Variants in TMEM117 observed in about 807,000 individuals in gnomAD.
TMEM117 encodes the protein transmembrane protein 117.
Under a neutral mutation model 52.4 loss-of-function variants are expected in TMEM117, and 27 were observed. That is an observed-to-expected ratio of 0.51 (90% confidence interval 0.38 to 0.71). TMEM117 has a LOEUF of 0.71. Ranked by LOEUF, TMEM117 falls within the 30% of genes least tolerant of loss-of-function variation. The pLI is 0.00. For synonymous variants in TMEM117, 215 were observed against 206.3 expected (o/e 1.04, Z -0.36); for missense variants, 556 against 630.5 (o/e 0.88, Z 1.26).
At chr12:44,009,290 G>T in intron 3 of TMEM117, 1 of 271,784 alleles carries the variant, frequency 3.7e-6, no homozygotes, top group Non-Finnish European at 7.1e-6. Flanking sequence ...GATACAGGAT[G>T]ATCATTTCCA....
chr12:43,894,525 G>C (rs1358084663), intron 2 of TMEM117, among the ~76,000 whole-genome samples: 7 of 151,852 alleles, frequency 4.6e-5, no homozygotes. Context: ...GAACGTACTA[G>C]TTATAGTTCC....
At chr12:43,875,293 A>G (rs1293246756) in intron 2 of TMEM117, among the ~76,000 whole-genome samples, 2 of 151,594 alleles carry the variant, frequency 1.3e-5, no homozygotes, top group Admixed American at 6.6e-5. Flanking sequence ...GATAAGTAGA[A>G]AGGGTTGTGC....
intron 3 of TMEM117, among the ~76,000 whole-genome samples, chr12:43,954,044 C>G (rs530013255): frequency 6.6e-6 from 1 of 152,158 alleles, no homozygotes; most frequent in Non-Finnish European, 1.5e-5. Flanking sequence ...CAACCTGTTC[C>G]TGAATGACTT....
chr12:44,294,718 A>G (rs1950746260), intron 5 of TMEM117, among the ~76,000 whole-genome samples: 1 of 152,218 alleles, frequency 6.6e-6, no homozygotes, highest in African/African-American at 2.4e-5. Flanking sequence ...CACACAGTCA[A>G]TCTGATAACA....
chr12:44,138,502 C>T (rs1222309923), intron 3 of TMEM117, among the ~76,000 whole-genome samples: 2 of 152,102 alleles, frequency 1.3e-5, no homozygotes. Context: ...TGGATGTATT[C>T]ACAGTGAGGG....
intron 6 of TMEM117, among the ~76,000 whole-genome samples, chr12:44,353,170 G>A (rs1041098830): frequency 3.3e-5 from 5 of 151,968 alleles, no homozygotes; most frequent in African/African-American, 4.8e-5. Flanking sequence ...AAATTTGTTT[G>A]AGTTCATTGT....
At chr12:44,056,454 ATC>A (rs901561001) in intron 3 of TMEM117, among the ~76,000 whole-genome samples, 5 of 152,164 alleles carry the variant, frequency 3.3e-5, no homozygotes, top group African/African-American at 1.2e-4. Flanking sequence ...TTTTATTTTA[ATC>A]TCTTTTCTAG....
intron 5 of TMEM117, among the ~76,000 whole-genome samples, chr12:44,253,558 C>T (rs1447745979): frequency 1.3e-5 from 2 of 152,122 alleles, no homozygotes; most frequent in East Asian, 3.9e-4. Flanking sequence ...CCTTTTCCCA[C>T]AGCCAAATCT....
At chr12:44,376,431 C>T (rs1951941949) in intron 6 of TMEM117, 164 bp from the exon 7 acceptor site, 1 of 806,086 alleles carries the variant, frequency 1.2e-6, no homozygotes, top group Non-Finnish European at 2.1e-6. Flanking sequence ...ATACTGCTAC[C>T]TAATGTACAT....
At chr12:44,224,538 C>T (rs1267801313) in intron 5 of TMEM117, among the ~76,000 whole-genome samples, 1 of 151,618 alleles carries the variant, frequency 6.6e-6, no homozygotes, top group Non-Finnish European at 1.5e-5. Context: ...TCTCCTCCTT[C>T]TCTTCCTCCT....
chr12:44,143,852 G>A lies in TMEM117; in HGVS notation c.510+228G>A, dbSNP rs150639002. 1.4e-3 allele frequency among the ~76,000 whole-genome samples: 218 copies of A among 152,148 alleles called. 1 individual carries two copies. Among genetic ancestry groups the A allele is most frequent in the African/African-American group, 4.3e-3 (180 of 41,486 alleles). ...TAATGGCACTCCACCAGAATCTGTC[G>A]ATCGATCTATCTATCTATCATCTAC... On this transcript the variant is annotated intron_variant, in intron 4 of 7. Coordinates refer to ENST00000266534, the MANE Select transcript of TMEM117 (RefSeq NM_032256.3).
At chr12:44,105,756 G>A (rs947280256) in intron 3 of TMEM117, among the ~76,000 whole-genome samples, 23 of 152,020 alleles carry the variant, frequency 1.5e-4, no homozygotes, top group Non-Finnish European at 3.1e-4. Flanking sequence ...CCCCAGGTCA[G>A]ATAGGCTCTG....
chr12:44,121,217 G>T (rs1387117981), intron 3 of TMEM117, among the ~76,000 whole-genome samples: 2 of 152,210 alleles, frequency 1.3e-5, no homozygotes, highest in Non-Finnish European at 2.9e-5. Context: ...AATTATGGGA[G>T]TACAAGATGA....
chr12:44,254,298 A>C (rs1950231721), intron 5 of TMEM117, among the ~76,000 whole-genome samples: 2 of 152,090 alleles, frequency 1.3e-5, no homozygotes, highest in African/African-American at 4.8e-5. Flanking sequence ...GAGGATTAAT[A>C]GTCTCAGTAG....
At chr12:43,877,052 A>G (rs1592326396) in intron 2 of TMEM117, among the ~76,000 whole-genome samples, 1 of 152,210 alleles carries the variant, frequency 6.6e-6, no homozygotes, top group South Asian at 2.1e-4. Flanking sequence ...AATTTATTTC[A>G]TAGTTTTCTT....
intron 6 of TMEM117, among the ~76,000 whole-genome samples, chr12:44,364,007 C>T (rs920910673): frequency 6.6e-6 from 1 of 152,064 alleles, no homozygotes; most frequent in Non-Finnish European, 1.5e-5. Context: ...GCCAGCTTCT[C>T]CTCCAGCAAG....
At chr12:44,045,923 C>G (rs1269841107) in intron 3 of TMEM117, among the ~76,000 whole-genome samples, 1 of 152,096 alleles carries the variant, frequency 6.6e-6, no homozygotes, top group Non-Finnish European at 1.5e-5. Flanking sequence ...ATTGATAGAA[C>G]AGTGGAATGG....
intron 5 of TMEM117, among the ~76,000 whole-genome samples, chr12:44,249,368 G>A (rs1950170020): frequency 6.6e-6 from 1 of 151,908 alleles, no homozygotes; most frequent in Admixed American, 6.6e-5. Flanking sequence ...ATTTTGAGAG[G>A]GTTCCATGGA....
At chr12:44,366,797 A>G (rs530614278) in intron 6 of TMEM117, among the ~76,000 whole-genome samples, 3 of 152,258 alleles carry the variant, frequency 2.0e-5, no homozygotes, top group South Asian at 2.1e-4. Context: ...GATCCAGCCT[A>G]TTGTTTCCAA....
Sources: allele counts gnomAD v4.1 joint callset (sites outside exome capture counted in the v4.1 genomes callset), GRCh38; gene constraint gnomAD v4.1.1; transcripts MANE v1.5; gene names NCBI Gene and HGNC (gene_info 2026-07-23, HGNC 2026-07-21).